The following TTN variants were observed in gnomAD, a reference collection of about 807,000 sequenced individuals.
The protein encoded by TTN is titin.
A neutral mutation model predicts 3,223.0 loss-of-function variants in TTN; 1,525 were observed. That is an observed-to-expected ratio of 0.47 (90% CI 0.45 to 0.49). TTN has a LOEUF of 0.49. Among genes scored for constraint, TTN ranks in the 20% least tolerant of loss-of-function variants. The pLI, the probability that TTN is intolerant of heterozygous loss-of-function variation, is 0.00. For synonymous variants in TTN, 14,094 were observed against 15,161.0 expected, an observed-to-expected ratio of 0.93 and a Z score of 5.17; for missense variants, 40,786 against 43,424.0, an observed-to-expected ratio of 0.94 and a Z score of 5.40.
chr2:178,702,101 C>G (rs72650013), intron 108 of TTN, 35 bp from the exon 109 acceptor site: 59 of 1,612,512 alleles, frequency 3.7e-5, no homozygotes, highest in Non-Finnish European at 4.8e-5. Context: ...TTTTTGTGTT[C>G]AGAATGGTAT....
Position 178,720,142 on chromosome 2 carries a change from C to T in TTN, c.23500G>A (p.Glu7834Lys). ...ISVVWLKDRG[E>K]VIRESENTRI... ...GTATTTTCACTCTCTCTGATGACTT[C>T]ACCTCTATCTTTCAGCCAGACAACA... The change falls in exon 81 of 363, where the codon GAA becomes AAA. Residue 7834 changes from glutamate (E) to lysine (K), a missense_variant. Glu to Lys is a moderately conservative substitution (Grantham distance 56). Coordinates refer to ENST00000589042, the MANE Select transcript of TTN (RefSeq NM_001267550.2). The T allele has an allele frequency of 6.2e-7, 1 of 1,613,808 alleles. No individual in the cohort carries two copies. Among genetic ancestry groups the T allele is most frequent in the Non-Finnish European group, 8.5e-7 (1 of 1,179,730 alleles).
Position 178,723,545 on chromosome 2 carries a change from G to T in TTN, c.21555C>A (p.Ile7185=), listed in dbSNP as rs201155967. 2,160 of 1,613,398 alleles carry T rather than the reference G, an allele frequency of 1.3e-3. 2 individuals carry two copies. The highest frequency in any genetic ancestry group is 1.6e-3 in the Non-Finnish European group (1,927 of 1,179,566). The part of the protein sequence containing the change: ...RELVKGDRCN[I]YFEDTVAELE... Reference sequence around the variant, plus strand: ...GTTCTGCCACAGTGTCTTCAAAATAGATGTTGCACCGGTCTCCTTTCACTA... The same window carrying T: ...GTTCTGCCACAGTGTCTTCAAAATATATGTTGCACCGGTCTCCTTTCACTA... Residue 7185 remains isoleucine (I), a synonymous_variant, in exon 74 of 363, where the codon ATC becomes ATA. Coordinates refer to ENST00000589042, the MANE Select transcript of TTN (RefSeq NM_001267550.2).
chr2:178,611,852 T>C lies in TTN; in HGVS notation c.50457A>G (p.Gly16819=), dbSNP rs1209032156. 1.9e-6 allele frequency: 3 copies of C among 1,612,838 alleles called. No individual in the cohort carries two copies. The highest frequency in any genetic ancestry group is 2.5e-6 in the Non-Finnish European group (3 of 1,179,306). The change falls in exon 268 of 363, where the codon GGA becomes GGG. Residue 16819 remains glycine, a synonymous_variant. Coordinates refer to ENST00000589042, the MANE Select transcript of TTN (RefSeq NM_001267550.2). ...CNFRVTDVIE[G]TEVQFQVRAE... ...CCCGAACCTGAAACTGGACCTCTGT[T>C]CCTTCGATGACATCAGTTACTCTGA...
At position 178,682,834 on chromosome 2, in the gene TTN, T is replaced by G; in HGVS notation, c.32957A>C (p.Glu10986Ala). The stretch of plus-strand genomic sequence containing the variant: ...TTCTTCATATTCCTCATATTCTTCT[T>G]CCCGTTGTACTGAAACAGCTTCTTC... The part of the protein sequence containing the change: ...LEEEAVSVQR[E>A]EEYEEYEEYD... Residue 10986 changes from glutamate (E) to alanine (A), a missense_variant, in exon 135 of 363, where the codon GAA becomes GCA. Transcript: ENST00000589042. 1 of 1,613,002 alleles carries G rather than the reference T, an allele frequency of 6.2e-7. No homozygotes were observed. Among genetic ancestry groups the G allele is most frequent in the Non-Finnish European group, 8.5e-7 (1 of 1,179,296 alleles).
chr2:178,651,779 G>A, intron 205 of TTN, 30 bp from the exon 206 acceptor site: 4 of 1,609,866 alleles, frequency 2.5e-6, no homozygotes, highest in Non-Finnish European at 3.4e-6. Flanking sequence ...GTTTTAGAAA[G>A]AACGAAGATT....
intron 287 of TTN, 31 bp from the exon 288 acceptor site, chr2:178,601,202 G>GTTGT: frequency 6.6e-7 from 1 of 1,520,072 alleles, no homozygotes; most frequent in South Asian, 1.4e-5. Flanking sequence ...AGTATTAAGC[G>GTTGT]TTGTTTATAA....
chr2:178,699,025 G>A, intron 111 of TTN, 111 bp from the exon 112 acceptor site: 2 of 1,117,308 alleles, frequency 1.8e-6, no homozygotes, highest in Non-Finnish European at 2.5e-6. Context: ...TCCATATGTT[G>A]ATAGTAGCGA....
At chr2:178,768,304 A>G in intron 38 of TTN, 149 bp from the exon 39 acceptor site, 1 of 1,134,864 alleles carries the variant, frequency 8.8e-7, no homozygotes, top group Non-Finnish European at 1.3e-6. Context: ...ATTTTAGAAC[A>G]TTCTCATTCC....
intron 47 of TTN, chr2:178,751,389 T>C (rs1217960444): frequency 1.2e-6 from 2 of 1,608,300 alleles, no homozygotes; most frequent in Admixed American, 1.7e-5. Context: ...TCATCATACA[T>C]GTAATCTGTT....
rs893693576 is a variant in TTN, at chr2:178,560,054, G to C, written c.86078C>G (p.Ser28693Cys). The part of the protein sequence containing the change: ...ITGYTVEYKK[S>C]DDTDWKTSIQ... Reference sequence around the variant, plus strand: ...GGAAGTTTTCCAGTCAGTGTCATCAGATTTTTTGTATTCTACAGTATATCC... The same window carrying C: ...GGAAGTTTTCCAGTCAGTGTCATCACATTTTTTGTATTCTACAGTATATCC... Residue 28693 changes from serine to cysteine, a missense_variant, in exon 326 of 363, where the codon TCT becomes TGT. By Grantham distance (112) the Ser-to-Cys change is moderately radical. Coordinates refer to ENST00000589042, the MANE Select transcript of TTN (RefSeq NM_001267550.2). The C allele has an allele frequency of 5.6e-6, 9 of 1,613,562 alleles. No individual in the cohort carries two copies. The African/African-American group carries it at 1.2e-4, about 22-fold the overall frequency.
At position 178,579,550 on chromosome 2, in the gene TTN, T is replaced by C. The variant is rs185898410; in HGVS notation, c.67636+11A>G. ...TAAAGGAAAAATGAAGATGTGTGCA[T>C]AGAGCCTTACCAACATCATCCCTTG... On this transcript the variant is annotated intron_variant, in intron 319 of 362. Coordinates refer to ENST00000589042, the MANE Select transcript of TTN (RefSeq NM_001267550.2). 1.6e-5 allele frequency: 26 copies of C among 1,612,632 alleles called. No individual in the cohort carries two copies. The African/African-American group carries it at 3.1e-4, about 19-fold the overall frequency.
Position 178,581,758 on chromosome 2 carries a change from G to A in TTN, c.66510C>T (p.Arg22170=), listed in dbSNP as rs776844441. The A allele has an allele frequency of 3.1e-6, 5 of 1,606,110 alleles. No individual in the cohort carries two copies. The Admixed American group carries it at 6.8e-5, about 22-fold the overall frequency. The part of the protein sequence containing the change: ...PAFPKVYDTT[R]SSVSLSWGKP... ...TGCCCCAAGATAGACTCACAGAGCT[G>A]CGAGTTGTATCATATACTTTAGGGA... The change falls in exon 316 of 363, where the codon CGC becomes CGT. Residue 22170 remains arginine (R), a synonymous_variant. Transcript: ENST00000589042.
At position 178,624,477 on chromosome 2, in the gene TTN, G is replaced by A; in HGVS notation, c.44803C>T (p.Leu14935=). The change falls in exon 242 of 363, where the codon CTG becomes TTG. Residue 14935 remains leucine (L), a synonymous_variant. Transcript: ENST00000589042. ...DAKDFKTSCN[L]NVVPPHVEFL... ...GAAGAATACTTACGCACGACATTCAGGTTACAGGAAGTCTTAAAATCCTTA... is the reference window on the plus strand; with the variant it reads ...GAAGAATACTTACGCACGACATTCAAGTTACAGGAAGTCTTAAAATCCTTA... 3 of 1,612,404 alleles carry A rather than the reference G, an allele frequency of 1.9e-6. No individual in the cohort carries two copies. The South Asian group carries it at 3.3e-5, about 18-fold the overall frequency.
chr2:178,798,037 T>G (rs1190736047), intron 6 of TTN, among the ~76,000 whole-genome samples: 1 of 152,260 alleles, frequency 6.6e-6, no homozygotes, highest in East Asian at 1.9e-4. Flanking sequence ...CACTTTGCTT[T>G]TTGAATTCCC....
At chr2:178,736,754 A>G (rs1201809296) in intron 49 of TTN, among the ~76,000 whole-genome samples, 1 of 152,194 alleles carries the variant, frequency 6.6e-6, no homozygotes, top group Non-Finnish European at 1.5e-5. Flanking sequence ...TGAGTAAAGA[A>G]ACTTCCAAAC....
In TTN at chr2:178,534,932, T is replaced by C. The variant is rs759278414; in HGVS notation, c.101683A>G (p.Ile33895Val). ...CGCTCAAATATGTCAAGTCCTGATA[T>C]AAACTCAAAGATCATAACTAATTCT... ...MEELVMIFEF[I>V]SGLDIFERIN... is the part of the protein sequence containing the mutation. Residue 33895 changes from isoleucine to valine, a missense_variant, in exon 358 of 363, where the codon ATA (isoleucine) becomes GTA (valine). By Grantham distance (29) the Ile-to-Val change is conservative. Coordinates refer to ENST00000589042, the MANE Select transcript of TTN (RefSeq NM_001267550.2). 1.9e-6 allele frequency: 3 copies of C among 1,611,676 alleles called. No homozygotes were observed. Among genetic ancestry groups the C allele is most frequent in the East Asian group, 2.2e-5 (1 of 44,882 alleles).
rs1186432203 is a variant in TTN at position 178,546,893 on chromosome 2, C to T, written c.94535G>A (p.Arg31512Lys). The T allele has an allele frequency of 1.9e-6, 3 of 1,585,478 alleles. No individual in the cohort carries two copies. Among genetic ancestry groups the T allele is most frequent in the South Asian group, 2.3e-5 (2 of 86,846 alleles). The change falls in exon 341 of 363, where the codon AGA (arginine) becomes AAA (lysine). Residue 31512 changes from arginine (R) to lysine (K), a missense_variant. Coordinates refer to ENST00000589042, the MANE Select transcript of TTN (RefSeq NM_001267550.2). ...TCTTGTGACATCTGTCACCTCTGGT[C>T]TGCCTGGTGCATCTGGAAGGGATGC... ...MAQNPVDAPG[R>K]PEVTDVTRST... is the part of the protein sequence containing the mutation.
chr2:178,766,902 A>T (rs537042474), intron 40 of TTN, among the ~76,000 whole-genome samples: 1 of 152,278 alleles, frequency 6.6e-6, no homozygotes, highest in South Asian at 2.1e-4. Flanking sequence ...CTTATTTACT[A>T]ATAAGGGATA....
At chr2:178,701,057 A>C in intron 111 of TTN, 63 bp downstream of exon 111, 1 of 1,528,020 alleles carries the variant, frequency 6.5e-7, no homozygotes, top group South Asian at 1.2e-5. Context: ...GTATTAAGCA[A>C]CATTTTTCGG....
Sources: allele counts gnomAD v4.1 joint callset (sites outside exome capture counted in the v4.1 genomes callset), GRCh38; gene constraint gnomAD v4.1.1; transcripts MANE v1.5; gene names NCBI Gene and HGNC (gene_info 2026-07-23, HGNC 2026-07-21).